MDN1: variants seen among roughly 807,000 people sequenced by gnomAD.
MDN1 encodes the protein midasin.
In MDN1, 266 loss-of-function variants were observed where a neutral mutation model predicts 669.2. The observed-to-expected ratio is 0.40, with a 90% CI of 0.36 to 0.44. MDN1 has a LOEUF of 0.44. MDN1 is among the 20% of genes least tolerant of loss of function. The probability of loss-of-function intolerance (pLI) is 1.00; values close to 1 mark genes in which losing one functional copy is unlikely to be tolerated. For synonymous variants in MDN1, 2,385 were observed against 2,457.1 expected, an observed-to-expected ratio of 0.97 and a Z score of 0.87; for missense variants, 5,940 against 6,754.0, an observed-to-expected ratio of 0.88 and a Z score of 4.22.
chr6:89,667,764 T>TG (rs1810361711), intron 84 of MDN1, among the ~76,000 whole-genome samples: 1 of 151,854 alleles, frequency 6.6e-6, no homozygotes, highest in South Asian at 2.1e-4. Context: ...ATCTGCCCAT[T>TG]TAAAAAAAAA....
intron 55 of MDN1, 148 bp from the exon 56 acceptor site, chr6:89,701,004 AT>A: frequency 1.4e-6 from 1 of 729,036 alleles, no homozygotes; most frequent in Non-Finnish European, 2.2e-6. Context: ...CTGTCAAGAG[AT>A]TTTACAGTGG....
At chr6:89,735,333 AT>A (rs200979149) in intron 33 of MDN1, among the ~76,000 whole-genome samples, 18,210 of 138,144 alleles carry the variant, frequency 0.13, 1,149 homozygotes, top group South Asian at 0.19. Flanking sequence ...TCACAGGTCA[AT>A]TTTTTTTTTT....
chr6:89,690,244 T>C, intron 64 of MDN1, 101 bp from the exon 65 acceptor site: 1 of 1,249,224 alleles, frequency 8.0e-7, no homozygotes, highest in South Asian at 1.5e-5. Context: ...ACTGAAAAAA[T>C]GAAATAGGAC....
chr6:89,703,239 G>A (rs1813279557), intron 53 of MDN1, among the ~76,000 whole-genome samples: 1 of 151,880 alleles, frequency 6.6e-6, no homozygotes, highest in Non-Finnish European at 1.5e-5. Context: ...TGCCTGGCTA[G>A]GCTCATTTTA....
At chr6:89,678,853 T>A (rs1811416202) in intron 74 of MDN1, 108 bp from the exon 75 acceptor site, 1 of 1,179,718 alleles carries the variant, frequency 8.5e-7, no homozygotes, top group African/African-American at 1.5e-5. Flanking sequence ...AAAGGCCAAG[T>A]ATCATTCATC....
At chr6:89,785,657 T>C (rs768397708) in intron 8 of MDN1, among the ~76,000 whole-genome samples, 22 of 152,330 alleles carry the variant, frequency 1.4e-4, no homozygotes, top group Admixed American at 4.6e-4. Context: ...ATGCCATTCT[T>C]TTCTTCTGAC....
At chr6:89,765,234 G>A (rs1038880900) in intron 15 of MDN1, among the ~76,000 whole-genome samples, 4 of 142,026 alleles carry the variant, frequency 2.8e-5, no homozygotes, top group African/African-American at 1.1e-4. Flanking sequence ...TCCAGCCTGG[G>A]AGACAGAGTG....
chr6:89,740,408 G>A (rs1323652787), intron 31 of MDN1, 30 bp from the exon 32 acceptor site: 11 of 1,545,058 alleles, frequency 7.1e-6, no homozygotes, highest in Non-Finnish European at 9.5e-6. Context: ...ACAGTGAAAA[G>A]GGCTTATACA....
Position 89,685,003 on chromosome 6 carries a change from G to A in MDN1, c.11720-18C>T. On this transcript the variant is annotated intron_variant, in intron 70 of 101. Transcript: ENST00000369393. ...AAGTGAATCTGGAAGAAATGAAAAG[G>A]AAACAAAAATACCACACTTGCTGCA... The A allele has an allele frequency of 1.3e-6, 2 of 1,561,198 alleles. No homozygotes were observed.
intron 55 of MDN1, 85 bp from the exon 56 acceptor site, chr6:89,700,941 T>A: frequency 9.2e-7 from 1 of 1,089,696 alleles, no homozygotes; most frequent in Admixed American, 2.6e-5. Context: ...AGAATAAATT[T>A]ATGATATATT....
chr6:89,763,029 G>T (rs1817632609), intron 15 of MDN1, among the ~76,000 whole-genome samples: 1 of 151,888 alleles, frequency 6.6e-6, no homozygotes, highest in South Asian at 2.1e-4. Context: ...CTCTAGCGTG[G>T]GCAACAGAGC....
At chr6:89,723,697 T>C (rs1814997081) in intron 38 of MDN1, 78 bp from the exon 39 acceptor site, 1 of 751,388 alleles carries the variant, frequency 1.3e-6, no homozygotes, top group African/African-American at 1.8e-5. Flanking sequence ...CATGTCTTAT[T>C]ATGCAAAATC....
intron 100 of MDN1, among the ~76,000 whole-genome samples, chr6:89,646,123 C>T (rs1404858341): frequency 3.3e-5 from 5 of 152,148 alleles, no homozygotes; most frequent in Admixed American, 2.0e-4. Context: ...TCCATATACT[C>T]GGGTTTTGCA....
chr6:89,673,263 G>T lies in MDN1; in HGVS notation c.13447C>A (p.His4483Asn), dbSNP rs768646414. 1 of 1,614,038 alleles carries T rather than the reference G, an allele frequency of 6.2e-7. No individual in the cohort carries two copies. Among genetic ancestry groups the T allele is most frequent in the South Asian group, 1.1e-5 (1 of 91,082 alleles). Reference protein sequence around the residue: ...AMADFTTWKTHLLTSDSQGGN... With the variant: ...AMADFTTWKTNLLTSDSQGGN... ...CCTTGGCTATCTGAAGTAAGCAGAT[G>T]GGTCTTCCAGGTAGTAAAGTCAGCC... The change falls in exon 80 of 102, where the codon CAT (histidine) becomes AAT (asparagine). Residue 4483 changes from histidine (H) to asparagine (N), a missense_variant. His to Asn is a moderately conservative substitution (Grantham distance 68). Transcript: ENST00000369393.
At chr6:89,745,032 G>A (rs1328863172) in intron 29 of MDN1, among the ~76,000 whole-genome samples, 3 of 144,248 alleles carry the variant, frequency 2.1e-5, no homozygotes, top group Non-Finnish European at 4.5e-5. Context: ...AGGTATACAT[G>A]TGCCATGTTG....
At chr6:89,786,699 C>A (rs200781807) in intron 8 of MDN1, among the ~76,000 whole-genome samples, 1 of 151,812 alleles carries the variant, frequency 6.6e-6, no homozygotes, top group Non-Finnish European at 1.5e-5. Context: ...GAGGCCAAGG[C>A]GGAGGATCAT....
chr6:89,760,674 T>G (rs920984709), intron 17 of MDN1, among the ~76,000 whole-genome samples: 2 of 152,150 alleles, frequency 1.3e-5, no homozygotes, highest in African/African-American at 2.4e-5. Flanking sequence ...AAAAAAGAAA[T>G]AAATTTTGTC....
chr6:89,680,337 G>A (rs1448277057), intron 74 of MDN1, among the ~76,000 whole-genome samples: 1 of 152,202 alleles, frequency 6.6e-6, no homozygotes, highest in East Asian at 1.9e-4. Context: ...AACTAGTATA[G>A]ACAAGGCTCT....
intron 91 of MDN1, 73 bp downstream of exon 91, chr6:89,656,627 T>TTAA: frequency 2.0e-6 from 2 of 1,012,360 alleles, no homozygotes; most frequent in South Asian, 1.8e-5. Context: ...TTTTTTTTTT[T>TTAA]AAAGCACTAC....
Sources: gnomAD v4.1 joint callset for allele counts (sites outside exome capture counted in the v4.1 genomes callset) on GRCh38, gnomAD v4.1.1 for gene constraint, MANE v1.5 for transcripts, NCBI Gene and HGNC (gene_info 2026-07-23, HGNC 2026-07-21) for gene names.